The following GLIS3 variants were observed in gnomAD, a reference collection of about 807,000 sequenced individuals.
The protein encoded by GLIS3 is GLIS family zinc finger 3.
A neutral mutation model predicts 78.6 loss-of-function variants in GLIS3; 53 were observed. The observed-to-expected ratio is 0.67, with a 90% CI of 0.54 to 0.85. The LOEUF (loss-of-function observed/expected upper bound fraction) is 0.85, where lower values mean the gene tolerates loss of function less well. GLIS3 is among the 40% of genes least tolerant of loss of function. The pLI is 0.00. For missense variants in GLIS3, 1,703 were observed against 1,231.1 expected, an observed-to-expected ratio of 1.38 and a Z score of -5.74; for synonymous variants, 684 against 509.9, an observed-to-expected ratio of 1.34 and a Z score of -4.60.
intron 7 of GLIS3, among the ~76,000 whole-genome samples, chr9:3,885,814 G>C (rs903339838): frequency 6.6e-6 from 1 of 152,188 alleles, no homozygotes; most frequent in African/African-American, 2.4e-5. Context: ...GCACTTTATA[G>C]AGACATTGTC....
At chr9:3,967,028 AAAAAAC>A (rs1433123913) in intron 4 of GLIS3, among the ~76,000 whole-genome samples, 37 of 142,042 alleles carry the variant, frequency 2.6e-4, no homozygotes, top group Middle Eastern at 3.5e-3. Context: ...AAAAAAAAAA[AAAAAAC>A]AAAAAAACAT....
At chr9:3,836,357 T>C (rs1477869810) in intron 9 of GLIS3, among the ~76,000 whole-genome samples, 1 of 152,232 alleles carries the variant, frequency 6.6e-6, no homozygotes, top group Admixed American at 6.5e-5. Flanking sequence ...GACTATAATT[T>C]TGTGGGTTAC....
chr9:4,270,936 TAC>T (rs1826454776), intron 2 of GLIS3, among the ~76,000 whole-genome samples: 1 of 86,090 alleles, frequency 1.2e-5, no homozygotes, highest in East Asian at 5.1e-4. Context: ...TGTGTGTGTA[TAC>T]ACAACTGACC....
chr9:3,978,092 G>GA (rs142512635), intron 4 of GLIS3, among the ~76,000 whole-genome samples: 3,478 of 152,336 alleles, frequency 0.023, 158 homozygotes, highest in African/African-American at 0.08. Flanking sequence ...CTCAATTTGG[G>GA]ATGAAGGGTG....
chr9:4,268,978 G>T (rs959768964), intron 2 of GLIS3, among the ~76,000 whole-genome samples: 2 of 152,108 alleles, frequency 1.3e-5, no homozygotes, highest in Non-Finnish European at 2.9e-5. Flanking sequence ...GTTTAACAAA[G>T]CTCTGGTATT....
chr9:4,223,719 A>G (rs1396542397), intron 2 of GLIS3, among the ~76,000 whole-genome samples: 1 of 152,094 alleles, frequency 6.6e-6, no homozygotes, highest in Non-Finnish European at 1.5e-5. Context: ...TTTAAATTCC[A>G]CCTATGTTTC....
At chr9:4,380,723 C>T in the GLIS3 span, among the ~76,000 whole-genome samples, 3 of 152,102 alleles carry the variant, frequency 2.0e-5, no homozygotes, top group African/African-American at 7.2e-5. Context: ...CAAATATGAA[C>T]ATATTGTTAA....
the GLIS3 span, among the ~76,000 whole-genome samples, chr9:4,380,078 A>G: frequency 2.5e-3 from 379 of 152,294 alleles, 4 homozygotes; most frequent in African/African-American, 8.7e-3. Flanking sequence ...TAGTGCATCA[A>G]TATCTGCTCT....
chr9:4,442,243 T>G, the GLIS3 span, among the ~76,000 whole-genome samples: 2 of 152,256 alleles, frequency 1.3e-5, no homozygotes, highest in African/African-American at 4.8e-5. Flanking sequence ...GGTGTATAAT[T>G]GTTCATAATT....
chr9:4,411,290 C>T, the GLIS3 span, among the ~76,000 whole-genome samples: 2 of 152,234 alleles, frequency 1.3e-5, no homozygotes, highest in African/African-American at 2.4e-5. Context: ...GCAAACATGC[C>T]ATTTAGATCT....
intron 2 of GLIS3, among the ~76,000 whole-genome samples, chr9:4,251,322 T>C (rs371954295): frequency 7.9e-5 from 12 of 152,192 alleles, no homozygotes; most frequent in African/African-American, 2.7e-4. Context: ...TAGGATAGTT[T>C]ACTCTACTTG....
chr9:4,196,461 A>T (rs10758568), intron 2 of GLIS3, among the ~76,000 whole-genome samples: 137,628 of 152,276 alleles, frequency 0.9, 62,315 homozygotes, highest in Non-Finnish European at 0.94. Flanking sequence ...GCTGCTCCTC[A>T]CTATTTGGGT....
rs1375500996 is a variant in GLIS3 at position 3,879,535 on chromosome 9, G to A, written c.2189C>T (p.Pro730Leu). 1 of 1,613,986 alleles carries A rather than the reference G, an allele frequency of 6.2e-7. No individual in the cohort carries two copies. The highest frequency in any genetic ancestry group is 8.5e-7 in the Non-Finnish European group (1 of 1,180,004). The change falls in exon 8 of 11, where the codon CCC becomes CTC. Residue 730 changes from proline (P) to leucine (L), a missense_variant. Transcript: ENST00000381971. ...RSGTAAGAVP[P>L]PHPVSHPSPG... ...AGAAGGGTGACTGACAGGATGTGGG[G>A]GTGGTACGGCCCCAGCAGCTGTTCC...
intron 2 of GLIS3, among the ~76,000 whole-genome samples, chr9:4,270,651 T>C (rs1232082938): frequency 1.3e-5 from 2 of 152,176 alleles, no homozygotes; most frequent in Non-Finnish European, 2.9e-5. Context: ...AAGAAGACAA[T>C]ACAGTCTGAC....
At chr9:3,990,542 C>T (rs900675554) in intron 4 of GLIS3, among the ~76,000 whole-genome samples, 2 of 152,086 alleles carry the variant, frequency 1.3e-5, no homozygotes, top group African/African-American at 4.8e-5. Flanking sequence ...AAAGAAGTTC[C>T]CATTAAGTAG....
intron 4 of GLIS3, among the ~76,000 whole-genome samples, chr9:4,029,479 A>T (rs575200437): frequency 1.3e-5 from 2 of 152,306 alleles, no homozygotes; most frequent in South Asian, 2.1e-4. Flanking sequence ...AAACTTATTT[A>T]AAAATGTACA....
chr9:4,423,822 A>AC, the GLIS3 span, among the ~76,000 whole-genome samples: 2 of 152,204 alleles, frequency 1.3e-5, no homozygotes, highest in Non-Finnish European at 1.5e-5. Flanking sequence ...CATTCACACA[A>AC]ACACATACTT....
chr9:3,999,956 G>A (rs1023184817), intron 4 of GLIS3, among the ~76,000 whole-genome samples: 3 of 151,976 alleles, frequency 2.0e-5, no homozygotes, highest in Non-Finnish European at 4.4e-5. Context: ...ATTAATATAC[G>A]AAAAAGGTAT....
chr9:3,971,099 G>A (rs936348365), intron 4 of GLIS3, among the ~76,000 whole-genome samples: 51 of 44,914 alleles, frequency 1.1e-3, no homozygotes, highest in Non-Finnish European at 2.3e-3. Flanking sequence ...AGGATAGATC[G>A]AAGGAAGGAA....
Sources: gnomAD v4.1 joint callset for allele counts (sites outside exome capture counted in the v4.1 genomes callset) on GRCh38, gnomAD v4.1.1 for gene constraint, MANE v1.5 for transcripts, NCBI Gene and HGNC (gene_info 2026-07-23, HGNC 2026-07-21) for gene names.